OSBPL9: variants seen among roughly 807,000 people sequenced by gnomAD.
The protein encoded by OSBPL9 is oxysterol-binding protein-related protein 9.
Under a neutral mutation model 106.6 loss-of-function variants are expected in OSBPL9, and 40 were observed. The ratio of observed to expected loss-of-function variants is 0.38; its 90% CI spans 0.29 to 0.49. OSBPL9 has a LOEUF of 0.49. OSBPL9 is among the 20% of genes least tolerant of loss of function. OSBPL9 has a pLI of 0.97. For missense variants in OSBPL9, 609 were observed against 887.2 expected (o/e 0.69, Z 3.98); for synonymous variants, 269 against 295.4 (o/e 0.91, Z 0.92).
chr1:51,648,816 G>T (rs1646328420), intron 1 of OSBPL9, among the ~76,000 whole-genome samples: 1 of 152,136 alleles, frequency 6.6e-6, no homozygotes. Flanking sequence ...GGCTTGTAAG[G>T]TTTACTGTAT....
chr1:51,611,179 CT>C (rs1427206228), intron 2 of OSBPL9, among the ~76,000 whole-genome samples: 3 of 151,762 alleles, frequency 2.0e-5, no homozygotes, highest in African/African-American at 7.3e-5. Context: ...TCTCTTTTGC[CT>C]GAAAATCATA....
chr1:51,708,682 T>G (rs1269685836), intron 3 of OSBPL9, among the ~76,000 whole-genome samples: 1 of 152,212 alleles, frequency 6.6e-6, no homozygotes, highest in African/African-American at 2.4e-5. Context: ...CTGTATGCTT[T>G]CTTTCAGTCT....
chr1:51,767,548 T>C (rs1211485838), intron 12 of OSBPL9, among the ~76,000 whole-genome samples: 1 of 152,212 alleles, frequency 6.6e-6, no homozygotes, highest in African/African-American at 2.4e-5. Context: ...CTAGGGTTTT[T>C]GCTTTTTAAC....
At chr1:51,522,385 G>T in the OSBPL9 span, among the ~76,000 whole-genome samples, 11 of 152,090 alleles carry the variant, frequency 7.2e-5, no homozygotes, top group Admixed American at 3.9e-4. Context: ...TTCTTCATTC[G>T]TAGGTTCTGG....
At chr1:51,748,658 C>T (rs1668544867) in intron 7 of OSBPL9, among the ~76,000 whole-genome samples, 1 of 152,128 alleles carries the variant, frequency 6.6e-6, no homozygotes, top group South Asian at 2.1e-4. Flanking sequence ...AAGGTGTCTT[C>T]CACGCACAGT....
At chr1:51,639,816 GTTTTTTTTTTTTT>G (rs758174157) in intron 1 of OSBPL9, among the ~76,000 whole-genome samples, 15 of 67,026 alleles carry the variant, frequency 2.2e-4, no homozygotes, top group African/African-American at 9.0e-4. Flanking sequence ...ATTCCTAGTT[GTTTTTTTTTTTTT>G]TTTTTTTTTT....
At chr1:51,556,744 C>G in the OSBPL9 span, among the ~76,000 whole-genome samples, 7 of 145,866 alleles carry the variant, frequency 4.8e-5, no homozygotes, top group African/African-American at 1.5e-4. Flanking sequence ...AGAGATCTTA[C>G]CACTGCACTC....
At chr1:51,774,146 C>T (rs895246861) in intron 14 of OSBPL9, among the ~76,000 whole-genome samples, 2 of 151,992 alleles carry the variant, frequency 1.3e-5, no homozygotes, top group African/African-American at 4.8e-5. Context: ...AAGAGAAGGC[C>T]ATGGCAGCCC....
chr1:51,524,598 T>C, the OSBPL9 span, among the ~76,000 whole-genome samples: 1 of 152,136 alleles, frequency 6.6e-6, no homozygotes, highest in African/African-American at 2.4e-5. Flanking sequence ...AACACAAAAA[T>C]AGAAAATATT....
intron 4 of OSBPL9, among the ~76,000 whole-genome samples, chr1:51,717,863 A>G (rs909265871): frequency 6.6e-6 from 1 of 152,168 alleles, no homozygotes; most frequent in African/African-American, 2.4e-5. Flanking sequence ...TGCTAGGTAT[A>G]TATCCAAAAG....
At position 51,765,859 on chromosome 1, in the gene OSBPL9, T is replaced by C. The variant is rs988765244; in HGVS notation, c.816T>C (p.Ser272=). Reference sequence around the variant, plus strand: ...CACCACCGAGTAGCAGTCTCACTTCTCCAAGCCACGTGAACTTGTCTCCAA... The same window carrying C: ...CACCACCGAGTAGCAGTCTCACTTCCCCAAGCCACGTGAACTTGTCTCCAA... ...GHSPPSSSLT[S]PSHVNLSPNT... The change falls in exon 12 of 24, where the codon TCT becomes TCC. Residue 272 remains serine (S), a synonymous_variant. Transcript: ENST00000428468. 1 of 1,613,954 alleles carries C rather than the reference T, an allele frequency of 6.2e-7. No individual in the cohort carries two copies. Among genetic ancestry groups the C allele is most frequent in the Non-Finnish European group, 8.5e-7 (1 of 1,179,974 alleles).
At chr1:51,673,485 G>A (rs879530129) in intron 3 of OSBPL9, among the ~76,000 whole-genome samples, 7 of 152,236 alleles carry the variant, frequency 4.6e-5, no homozygotes, top group Non-Finnish European at 8.8e-5. Flanking sequence ...AGTAAACAGG[G>A]AAGAATTGAT....
chr1:51,766,924 A>AG (rs1200323882), intron 12 of OSBPL9, among the ~76,000 whole-genome samples: 1 of 151,944 alleles, frequency 6.6e-6, no homozygotes, highest in African/African-American at 2.4e-5. Flanking sequence ...AAAAAAAAAA[A>AG]AAAATTAGCC....
At chr1:51,717,909 C>A (rs771026371) in intron 4 of OSBPL9, among the ~76,000 whole-genome samples, 12 of 152,102 alleles carry the variant, frequency 7.9e-5, no homozygotes, top group East Asian at 1.9e-4. Flanking sequence ...TACCTGCACA[C>A]CCAGGTTTAT....
intron 1 of OSBPL9, among the ~76,000 whole-genome samples, chr1:51,629,816 G>T (rs1363684441): frequency 1.3e-5 from 2 of 152,192 alleles, no homozygotes; most frequent in East Asian, 1.9e-4. Context: ...GGGTGTGGTG[G>T]TGTGCGCCTG....
chr1:51,616,422 A>T (rs1570548858), upstream of OSBPL9, among the ~76,000 whole-genome samples: 1 of 152,022 alleles, frequency 6.6e-6, no homozygotes, highest in South Asian at 2.1e-4. Flanking sequence ...TGCCACGCTC[A>T]CTCCTAACAT....
At chr1:51,787,046 A>G (rs1677815505) in intron 22 of OSBPL9, among the ~76,000 whole-genome samples, 1 of 151,646 alleles carries the variant, frequency 6.6e-6, no homozygotes, top group South Asian at 2.1e-4. Flanking sequence ...TGATTGACCC[A>G]GAGTTGCACA....
At chr1:51,747,095 A>G (rs1406988335) in intron 6 of OSBPL9, among the ~76,000 whole-genome samples, 1 of 152,078 alleles carries the variant, frequency 6.6e-6, no homozygotes. Context: ...TCAGCCTCCC[A>G]AGTAGCTGGG....
chr1:51,577,927 A>G (rs1468349959), intron 1 of OSBPL9, among the ~76,000 whole-genome samples: 2 of 152,206 alleles, frequency 1.3e-5, no homozygotes, highest in African/African-American at 2.4e-5. Context: ...TTCCCATGAA[A>G]TCACGTGTGA....
Sources: allele counts gnomAD v4.1 joint callset (sites outside exome capture counted in the v4.1 genomes callset), GRCh38; gene constraint gnomAD v4.1.1; transcripts MANE v1.5; gene names NCBI Gene and HGNC (gene_info 2026-07-23, HGNC 2026-07-21).